MAGI2: variants seen among roughly 807,000 people sequenced by gnomAD.
The protein encoded by MAGI2 is membrane associated guanylate kinase, WW and PDZ domain containing 2.
In MAGI2, 35 loss-of-function variants were observed where a neutral mutation model predicts 133.3. That is an observed-to-expected ratio of 0.26 (90% CI 0.20 to 0.35). The LOEUF is 0.35. MAGI2 is among the 10% of genes least tolerant of loss of function. The pLI is 1.00. For synonymous variants in MAGI2, 729 were observed against 710.6 expected, an observed-to-expected ratio of 1.03 and a Z score of -0.41; for missense variants, 1,636 against 1,863.4, an observed-to-expected ratio of 0.88 and a Z score of 2.25.
chr7:78,348,717 C>G (rs1056229045), intron 7 of MAGI2, among the ~76,000 whole-genome samples: 8 of 152,132 alleles, frequency 5.3e-5, no homozygotes, highest in African/African-American at 1.9e-4. Context: ...AGTTATTATT[C>G]ACTATAGTCA....
intron 1 of MAGI2, among the ~76,000 whole-genome samples, chr7:79,391,713 G>A (rs1017753362): frequency 1.3e-5 from 2 of 151,412 alleles, no homozygotes; most frequent in African/African-American, 2.4e-5. Context: ...TTGTTGAGAC[G>A]GAGTCTTGCT....
At chr7:79,274,067 T>G (rs531635571) in intron 1 of MAGI2, among the ~76,000 whole-genome samples, 5 of 152,202 alleles carry the variant, frequency 3.3e-5, no homozygotes, top group Admixed American at 3.3e-4. Flanking sequence ...GTTACCAAAG[T>G]TAGCCAACAA....
intron 5 of MAGI2, among the ~76,000 whole-genome samples, chr7:78,492,627 AG>A (rs1216589733): frequency 1.3e-5 from 2 of 152,168 alleles, no homozygotes; most frequent in African/African-American, 4.8e-5. Flanking sequence ...GGGATAATTG[AG>A]GGATTCTTCC....
intron 21 of MAGI2, among the ~76,000 whole-genome samples, chr7:78,059,887 C>T (rs919748437): frequency 4.6e-5 from 7 of 151,630 alleles, no homozygotes; most frequent in Admixed American, 2.6e-4. Context: ...AGAGAATTTT[C>T]GTGGCAGCCC....
intron 6 of MAGI2, among the ~76,000 whole-genome samples, chr7:78,389,348 G>C (rs1189767311): frequency 2.0e-5 from 3 of 152,212 alleles, no homozygotes; most frequent in African/African-American, 4.8e-5. Flanking sequence ...CATGGAGAAA[G>C]GGGACTGCTA....
intron 2 of MAGI2, among the ~76,000 whole-genome samples, chr7:78,762,984 T>A (rs530171702): frequency 6.6e-6 from 1 of 152,318 alleles, no homozygotes; most frequent in South Asian, 2.1e-4. Context: ...CAATAGAACT[T>A]AATTCAGGCA....
chr7:79,114,573 G>A (rs1028840479), intron 1 of MAGI2, among the ~76,000 whole-genome samples: 3 of 152,256 alleles, frequency 2.0e-5, no homozygotes, highest in South Asian at 2.1e-4. Flanking sequence ...AGCTTCTACC[G>A]TGATCAAGTG....
intron 1 of MAGI2, among the ~76,000 whole-genome samples, chr7:79,299,937 C>T (rs1837265496): frequency 6.6e-6 from 1 of 152,146 alleles, no homozygotes; most frequent in Non-Finnish European, 1.5e-5. Context: ...GTACCTGCTC[C>T]CCCTTGCCTT....
At chr7:78,520,440 G>A (rs1796398709) in intron 4 of MAGI2, among the ~76,000 whole-genome samples, 2 of 151,924 alleles carry the variant, frequency 1.3e-5, no homozygotes, top group African/African-American at 4.8e-5. Context: ...CAATAAACCT[G>A]AAAATATAGA....
At chr7:78,991,235 A>G (rs1684471550) in intron 2 of MAGI2, among the ~76,000 whole-genome samples, 1 of 151,256 alleles carries the variant, frequency 6.6e-6, no homozygotes, top group Non-Finnish European at 1.5e-5. Context: ...TGGAACTGTG[A>G]GTCAACTAAA....
At chr7:79,195,392 C>T (rs1272712462) in intron 1 of MAGI2, among the ~76,000 whole-genome samples, 3 of 151,966 alleles carry the variant, frequency 2.0e-5, no homozygotes, top group African/African-American at 4.8e-5. Context: ...TATTAGACCA[C>T]ATTTTGAGAA....
chr7:78,284,974 G>T (rs149120337), intron 9 of MAGI2, among the ~76,000 whole-genome samples: 1 of 152,264 alleles, frequency 6.6e-6, no homozygotes, highest in African/African-American at 2.4e-5. Flanking sequence ...GTTTAAATTA[G>T]AATTAACATG....
intron 1 of MAGI2, among the ~76,000 whole-genome samples, chr7:79,129,926 T>C (rs1421841758): frequency 6.6e-6 from 1 of 152,194 alleles, no homozygotes; most frequent in Non-Finnish European, 1.5e-5. Context: ...CTGACAAATG[T>C]CTGCCATAAT....
At chr7:79,161,492 T>C (rs1824353919) in intron 1 of MAGI2, among the ~76,000 whole-genome samples, 1 of 152,046 alleles carries the variant, frequency 6.6e-6, no homozygotes, top group African/African-American at 2.4e-5. Flanking sequence ...ACCCCTATGC[T>C]AATGGAAATA....
At chr7:79,383,983 A>C (rs1222383003) in intron 1 of MAGI2, among the ~76,000 whole-genome samples, 2 of 151,622 alleles carry the variant, frequency 1.3e-5, no homozygotes, top group Non-Finnish European at 3.0e-5. Context: ...AGGAAGAGAC[A>C]ACTGTATATC....
At chr7:78,776,643 T>C (rs559799918) in intron 2 of MAGI2, among the ~76,000 whole-genome samples, 86 of 152,344 alleles carry the variant, frequency 5.6e-4, no homozygotes, top group African/African-American at 1.9e-3. Flanking sequence ...AAACTTCTTT[T>C]AAATATGCAT....
intron 9 of MAGI2, among the ~76,000 whole-genome samples, chr7:78,327,751 T>C (rs1788731779): frequency 6.6e-6 from 1 of 152,172 alleles, no homozygotes; most frequent in South Asian, 2.1e-4. Context: ...TAGTTGATAA[T>C]AGATGGGAAT....
chr7:78,205,968 G>GC (rs1829690222), intron 10 of MAGI2, among the ~76,000 whole-genome samples: 1 of 152,144 alleles, frequency 6.6e-6, no homozygotes. Context: ...CAATGCTAGT[G>GC]CCACAAAAGG....
At chr7:79,082,092 T>G (rs914882976) in intron 1 of MAGI2, among the ~76,000 whole-genome samples, 1 of 152,118 alleles carries the variant, frequency 6.6e-6, no homozygotes, top group Non-Finnish European at 1.5e-5. Context: ...TTGAGTTGTA[T>G]GAAGTCTTTA....
Sources: allele counts gnomAD v4.1 joint callset (sites outside exome capture counted in the v4.1 genomes callset), GRCh38; gene constraint gnomAD v4.1.1; transcripts MANE v1.5; gene names NCBI Gene and HGNC (gene_info 2026-07-23, HGNC 2026-07-21).